TNR: variants seen among roughly 807,000 people sequenced by gnomAD.
The protein encoded by TNR is tenascin R.
Under a neutral mutation model 150.4 loss-of-function variants are expected in TNR, and 45 were observed. The observed-to-expected ratio is 0.30, with a 90% CI of 0.24 to 0.38. The LOEUF is 0.38. Among genes scored for constraint, TNR ranks in the 10% least tolerant of loss-of-function variants. The pLI, the probability that TNR is intolerant of heterozygous loss-of-function variation, is 1.00. For synonymous variants in TNR, 687 were observed against 678.4 expected, an observed-to-expected ratio of 1.01 and a Z score of -0.20; for missense variants, 1,544 against 1,759.1, an observed-to-expected ratio of 0.88 and a Z score of 2.19.
chr1:175,698,978 T>C (rs2101925248), intron 1 of TNR, among the ~76,000 whole-genome samples: 1 of 152,268 alleles, frequency 6.6e-6, no homozygotes, highest in African/African-American at 2.4e-5. Context: ...GGCTGCTGTG[T>C]TAACAATAGA....
At chr1:175,695,917 T>C (rs554259319) in intron 1 of TNR, among the ~76,000 whole-genome samples, 1 of 152,166 alleles carries the variant, frequency 6.6e-6, no homozygotes, top group Non-Finnish European at 1.5e-5. Flanking sequence ...CTATACAATA[T>C]AGTCATTGAA....
chr1:175,458,462 A>G (rs1032701755), intron 2 of TNR, among the ~76,000 whole-genome samples: 1 of 152,220 alleles, frequency 6.6e-6, no homozygotes, highest in African/African-American at 2.4e-5. Flanking sequence ...AATAAATAAT[A>G]ATTAACGCAA....
At chr1:175,374,951 A>G (rs531291306) in intron 9 of TNR, among the ~76,000 whole-genome samples, 29 of 152,352 alleles carry the variant, frequency 1.9e-4, no homozygotes, top group Admixed American at 7.2e-4. Flanking sequence ...GCTTAGGGCA[A>G]GCCCCCTCCC....
At chr1:175,384,073 A>G (rs573252801) in intron 8 of TNR, among the ~76,000 whole-genome samples, 12 of 152,336 alleles carry the variant, frequency 7.9e-5, no homozygotes, top group Middle Eastern at 6.8e-3. Context: ...CGACCTGAAC[A>G]CCAAGAATTT....
intron 19 of TNR, 142 bp from the exon 20 acceptor site, chr1:175,335,949 C>A (rs1650227008): frequency 4.2e-6 from 3 of 715,306 alleles, no homozygotes; most frequent in African/African-American, 1.8e-5. Flanking sequence ...AAAGAAGGAA[C>A]ATTTCAGAGC....
At chr1:175,531,687 T>C (rs570459549) in intron 1 of TNR, among the ~76,000 whole-genome samples, 228 of 152,388 alleles carry the variant, frequency 1.5e-3, no homozygotes, top group Non-Finnish European at 2.4e-3. Flanking sequence ...TTTACCTGTA[T>C]GTACCCTTTC....
At position 175,547,749 on chromosome 1, in the gene TNR, AAGGCACCAAAGTGTGAC is replaced by A. The variant is rs1179884337; in HGVS notation, c.-164-19397_-164-19381del. 2.0e-5 allele frequency among the ~76,000 whole-genome samples: 3 copies of A among 152,218 alleles called. No individual in the cohort carries two copies. The East Asian group carries it at 5.8e-4, about 29-fold the overall frequency. On this transcript the variant is annotated intron_variant, in intron 1 of 22. Coordinates refer to ENST00000367674, the MANE Select transcript of TNR (RefSeq NM_003285.3). ...CTAGACAGAAGGAGAAGCATGTGCAAAGGCACCAAAGTGTGACAGTGCAGAGTGATTCCATGAGAAGT... is the reference window on the plus strand; with the variant it reads ...CTAGACAGAAGGAGAAGCATGTGCAAAGTGCAGAGTGATTCCATGAGAAGT...
chr1:175,333,981 A>G (rs923741723), intron 20 of TNR, among the ~76,000 whole-genome samples: 3 of 152,186 alleles, frequency 2.0e-5, no homozygotes, highest in Admixed American at 2.0e-4. Context: ...AGTCGGGGGA[A>G]GAGCAGGTGA....
intron 1 of TNR, among the ~76,000 whole-genome samples, chr1:175,693,538 T>G (rs977826618): frequency 6.6e-6 from 1 of 152,200 alleles, no homozygotes; most frequent in African/African-American, 2.4e-5. Context: ...CTCCCTCCTC[T>G]TAGGTTTCCC....
intron 5 of TNR, among the ~76,000 whole-genome samples, chr1:175,395,858 G>T (rs1308327225): frequency 1.3e-5 from 2 of 151,924 alleles, no homozygotes; most frequent in Admixed American, 1.3e-4. Flanking sequence ...ACAAAATATA[G>T]GTACACACCC....
In TNR at chr1:175,419,647, A is replaced by AT. The variant is rs545074074; in HGVS notation, c.-63-12871_-63-12870insA. Among the ~76,000 whole-genome samples the AT allele has an allele frequency of 2.9e-3, 444 of 152,088 alleles. 2 individuals are homozygous for AT. The highest frequency in any genetic ancestry group is 0.01 in the African/African-American group (427 of 41,480). ...CAAGTGCCCACCACCACGCCCGGCT[A>AT]ATTTTTATATTTTTAGTAGAGAAGG... On this transcript the variant is annotated intron_variant, in intron 2 of 22. Transcript: ENST00000367674.
At chr1:175,468,410 AC>A (rs1376424202) in intron 2 of TNR, among the ~76,000 whole-genome samples, 2 of 152,194 alleles carry the variant, frequency 1.3e-5, no homozygotes, top group Non-Finnish European at 2.9e-5. Flanking sequence ...CATTTTCTCT[AC>A]CTTTAGACAC....
intron 2 of TNR, among the ~76,000 whole-genome samples, chr1:175,421,662 A>T (rs1402721243): frequency 6.6e-6 from 1 of 152,238 alleles, no homozygotes; most frequent in East Asian, 1.9e-4. Context: ...TATTAAGTCA[A>T]CAAGGAATAT....
chr1:175,359,732 C>T lies in TNR; in HGVS notation c.2855-1G>A. 1 of 1,608,094 alleles carries T rather than the reference C, an allele frequency of 6.2e-7. No homozygotes were observed. The highest frequency in any genetic ancestry group is 8.5e-7 in the Non-Finnish European group (1 of 1,177,164). ...ATCAGATCCACAGGGTTGTCCATGG[C>T]TGAAACAGAATAGATTATCAGTTAC... On this transcript the variant is annotated splice_acceptor_variant, in intron 14 of 22. Transcript: ENST00000367674. LOFTEE classifies it high-confidence loss of function.
chr1:175,730,549 G>A (rs1204834836), intron 1 of TNR, among the ~76,000 whole-genome samples: 2 of 152,106 alleles, frequency 1.3e-5, no homozygotes, highest in East Asian at 3.8e-4. Flanking sequence ...TTGAAATAGA[G>A]AACACTGGAT....
intron 1 of TNR, among the ~76,000 whole-genome samples, chr1:175,595,320 C>G (rs1420187224): frequency 6.6e-6 from 1 of 152,174 alleles, no homozygotes; most frequent in Non-Finnish European, 1.5e-5. Context: ...TTGTCCAGAC[C>G]AACTCCTTTC....
intron 1 of TNR, among the ~76,000 whole-genome samples, chr1:175,715,643 C>T (rs565847075): frequency 6.6e-6 from 1 of 152,316 alleles, no homozygotes; most frequent in South Asian, 2.1e-4. Flanking sequence ...TGGGATGATG[C>T]TGGGATGTCA....
intron 2 of TNR, among the ~76,000 whole-genome samples, chr1:175,465,432 C>G (rs1158044253): frequency 6.6e-6 from 1 of 152,162 alleles, no homozygotes; most frequent in Non-Finnish European, 1.5e-5. Context: ...AGTAGATTTT[C>G]AAGCATATTG....
chr1:175,444,037 G>T (rs185181741), intron 2 of TNR, among the ~76,000 whole-genome samples: 1 of 152,130 alleles, frequency 6.6e-6, no homozygotes, highest in South Asian at 2.1e-4. Flanking sequence ...CATGGACTTG[G>T]GGGGTGGTCT....
Sources: gnomAD v4.1 joint callset for allele counts (sites outside exome capture counted in the v4.1 genomes callset) on GRCh38, gnomAD v4.1.1 for gene constraint, MANE v1.5 for transcripts, NCBI Gene and HGNC (gene_info 2026-07-23, HGNC 2026-07-21) for gene names.